The following PCOLCE variants were observed in gnomAD, a reference collection of about 807,000 sequenced individuals.
PCOLCE encodes the protein procollagen C-endopeptidase enhancer 1.
PCOLCE carries 33 observed loss-of-function variants against 47.2 expected under a neutral mutation model. The ratio of observed to expected loss-of-function variants is 0.70; its 90% CI spans 0.53 to 0.93. The LOEUF (loss-of-function observed/expected upper bound fraction) is 0.93. Ranked by LOEUF, PCOLCE falls within the 40% of genes least tolerant of loss-of-function variation. The pLI is 0.00. For missense variants in PCOLCE, 584 were observed against 585.3 expected (o/e 1.00, Z 0.02); for synonymous variants, 254 against 252.5 (o/e 1.01, Z -0.06).
Position 100,604,521 on chromosome 7 carries a change from C to G in PCOLCE, c.463+304C>G, listed in dbSNP as rs1187991075. 1 of 494,342 alleles carries G rather than the reference C, an allele frequency of 2.0e-6. No individual in the cohort carries two copies. The highest frequency in any genetic ancestry group is 3.7e-6 in the Non-Finnish European group (1 of 270,494). The allele number at this position is 494,342 out of a possible 1,614,324, so 30.6% of individuals were successfully genotyped here. A position where few individuals can be genotyped will look rare whatever the true frequency, so the allele number is the denominator to read the frequency against. On this transcript the variant is annotated intron_variant, in intron 3 of 8. Transcript: ENST00000223061. This position sits in a 1 kb window ranked among gnomAD's most constrained non-coding sequence, Gnocchi z 6.4. ...TGGGACGGTGAGTAACTGCCGGCCC[C>G]CGTCCGCAATCGGGCTCCCTCCGTC... is the stretch of plus-strand genomic sequence containing the variant.
At position 100,608,054 on chromosome 7, in the gene PCOLCE, A is replaced by C. The variant is rs774044086; in HGVS notation, c.1301A>C (p.Lys434Thr). 1 of 1,613,972 alleles carries C rather than the reference A, an allele frequency of 6.2e-7. No individual in the cohort carries two copies. The highest frequency in any genetic ancestry group is 8.5e-7 in the Non-Finnish European group (1 of 1,180,014). The change falls in exon 9 of 9, where the codon AAG becomes ACG. Residue 434 changes from lysine (K) to threonine (T), a missense_variant. Lys to Thr is a moderately conservative substitution (Grantham distance 78). Transcript: ENST00000223061. ...NQDQILTNLS[K>T]RKCPSQPVRA... ...GACCAGATCCTCACCAACCTAAGCA[A>C]GAGGAAGTGCCCCTCTCAACCTGTG... is the stretch of plus-strand genomic sequence containing the variant.
chr7:100,603,205 A>G (rs1345254296), intron 1 of PCOLCE: 4 of 435,474 alleles, frequency 9.2e-6, no homozygotes, highest in Non-Finnish European at 1.2e-5. Context: ...GGTTGGAGGG[A>G]TGGTCGAGTT....
In PCOLCE at chr7:100,607,796, C is replaced by G. The variant is rs1279530666; in HGVS notation, c.1172C>G (p.Pro391Arg). 5.0e-6 allele frequency: 8 copies of G among 1,613,990 alleles called. No homozygotes were observed. The African/African-American group carries it at 5.3e-5, about 11-fold the overall frequency. The change falls in exon 8 of 9, where the codon CCC (proline) becomes CGC (arginine). Residue 391 changes from proline (P) to arginine (R), a missense_variant. Physicochemically the swap from Pro to Arg is moderately radical, Grantham distance 103. Coordinates refer to ENST00000223061, the MANE Select transcript of PCOLCE (RefSeq NM_002593.4). Reference sequence around the variant, plus strand: ...TACGTGCCTTGCAAGCAGTGCCCCCCCATGAAGAAAGGTAACAGAGATGTG... The same window carrying G: ...TACGTGCCTTGCAAGCAGTGCCCCCGCATGAAGAAAGGTAACAGAGATGTG... ...KFYVPCKQCP[P>R]MKKGVSYLLM...
chr7:100,602,988 TC>T, intron 1 of PCOLCE: 1 of 241,380 alleles, frequency 4.1e-6, no homozygotes, highest in South Asian at 7.0e-5. Context: ...GAGCCTGGCC[TC>T]CAGGTTCAAT....
intron 2 of PCOLCE, 80 bp downstream of exon 2, chr7:100,603,618 GT>G: frequency 1.5e-5 from 4 of 259,878 alleles, no homozygotes; most frequent in South Asian, 1.5e-4. Context: ...CCCCCCCCCC[GT>G]CCCCCCCGCA....
rs1802668695 is a variant in PCOLCE at position 100,604,209 on chromosome 7, C to G, written c.455C>G (p.Ser152Trp). ...FLLWYSGRATSGTEHQFCGGR... is the reference protein window; with the variant it reads ...FLLWYSGRATWGTEHQFCGGR... ...CTCTGGTACAGCGGGCGGGCCACCT[C>G]GGGCACTGGTGAGAACTCCCTCACC... The change falls in exon 3 of 9, where the codon TCG (serine) becomes TGG (tryptophan). Residue 152 changes from serine to tryptophan, a missense_variant. Physicochemically the swap from Ser to Trp is radical, Grantham distance 177 (BLOSUM62 -3). Coordinates refer to ENST00000223061, the MANE Select transcript of PCOLCE (RefSeq NM_002593.4). The surrounding 1 kb of genome is among the most constrained non-coding windows in gnomAD (Gnocchi z 6.4). The G allele has an allele frequency of 6.2e-7, 1 of 1,610,984 alleles. No individual in the cohort carries two copies. The highest frequency in any genetic ancestry group is 1.3e-5 in the African/African-American group (1 of 74,856).
rs1336517260 is a variant in PCOLCE at position 100,605,782 on chromosome 7, TGGGGAAGTTCTGCGGCGACGCAGTCCC to T, written c.700_725+1del. 6.4e-7 allele frequency: 1 copy of T among 1,554,636 alleles called. No individual in the cohort carries two copies. The highest frequency in any genetic ancestry group is 8.7e-7 in the Non-Finnish European group (1 of 1,148,910). ...GCCGTGAGCGACGACTCCCGGAGGCTGGGGAAGTTCTGCGGCGACGCAGTCCCGGGGTGAGGGGCGGGACCTGGGCGA... is the reference window on the plus strand; with the variant it reads ...GCCGTGAGCGACGACTCCCGGAGGCTGGGGTGAGGGGCGGGACCTGGGCGA... On this transcript the variant is annotated inframe_deletion, in exon 5 of 9. Transcript: ENST00000223061. The surrounding 1 kb of genome is among the most constrained non-coding windows in gnomAD (Gnocchi z 6.1).
At chr7:100,603,938 C>T in intron 2 of PCOLCE, 21 bp from the exon 3 acceptor site, 4 of 1,596,954 alleles carry the variant, frequency 2.5e-6, no homozygotes, top group Non-Finnish European at 3.4e-6. Context: ...TGTGGGTCCC[C>T]GCCTCTGTCC....
chr7:100,604,230 T>C lies in PCOLCE; in HGVS notation c.463+13T>C, dbSNP rs777360676. ...ACCTCGGGCACTGGTGAGAACTCCCTCACCTCCGCCTTCCCCCCCTCCAGG... is the reference window on the plus strand; with the variant it reads ...ACCTCGGGCACTGGTGAGAACTCCCCCACCTCCGCCTTCCCCCCCTCCAGG... On this transcript the variant is annotated intron_variant, in intron 3 of 8. Coordinates refer to ENST00000223061, the MANE Select transcript of PCOLCE (RefSeq NM_002593.4). This position sits in a 1 kb window ranked among gnomAD's most constrained non-coding sequence, Gnocchi z 6.4. 9.4e-6 allele frequency: 15 copies of C among 1,603,542 alleles called. No individual in the cohort carries two copies. Among genetic ancestry groups the C allele is most frequent in the Middle Eastern group, 2.2e-4 (1 of 4,648 alleles).
At chr7:100,603,620 C>A (rs1210101895) in intron 2 of PCOLCE, 82 bp downstream of exon 2, 3 of 606,798 alleles carry the variant, frequency 4.9e-6, no homozygotes, top group South Asian at 2.1e-5. Flanking sequence ...CCCCCCCCGT[C>A]CCCCCCGCAC....
In PCOLCE at chr7:100,605,557, G is replaced by C; in HGVS notation, c.589-119G>C. ...TGCTGTGGTGTGAACGCCTTCAGGA[G>C]GGGGGCCCAGAGGACGCGGGAGGTG... is the stretch of plus-strand genomic sequence containing the variant. On this transcript the variant is annotated intron_variant, in intron 4 of 8. Transcript: ENST00000223061. This position sits in a 1 kb window ranked among gnomAD's most constrained non-coding sequence, Gnocchi z 6.1. 7.9e-7 allele frequency: 1 copy of C among 1,265,616 alleles called. No individual in the cohort carries two copies. Among genetic ancestry groups the C allele is most frequent in the South Asian group, 1.4e-5 (1 of 69,004 alleles). The allele number at this position is 1,265,616 out of a possible 1,614,324, so 78.4% of individuals were successfully genotyped here. A position where few individuals can be genotyped will look rare whatever the true frequency, so the allele number is the denominator to read the frequency against.
Position 100,608,125 on chromosome 7 carries a change from C to G in PCOLCE, c.*22C>G. On this transcript the variant is annotated 3_prime_UTR_variant, in exon 9 of 9. Transcript: ENST00000223061. The stretch of plus-strand genomic sequence containing the variant: ...CTGAGACGCAGGCCAGCCCCGGCCC[C>G]TAGCCCTCAGGCCTTCTTTCTTATC... The G allele has an allele frequency of 3.7e-6, 6 of 1,606,904 alleles. No individual in the cohort carries two copies. Among genetic ancestry groups the G allele is most frequent in the Non-Finnish European group, 5.1e-6 (6 of 1,176,058 alleles).
chr7:100,606,199 C>A, intron 5 of PCOLCE: 1 of 561,994 alleles, frequency 1.8e-6, no homozygotes, highest in Non-Finnish European at 3.2e-6. Flanking sequence ...GGCATGGTGG[C>A]GTGCCTGTAG....
chr7:100,606,792 T>C (rs1476007611), intron 6 of PCOLCE, among the ~76,000 whole-genome samples, 162 bp downstream of exon 6: 3 of 151,898 alleles, frequency 2.0e-5, no homozygotes, highest in African/African-American at 7.3e-5. Flanking sequence ...ACCCTGTCTT[T>C]TCAAAAATAA....
chr7:100,602,654 A>C, intron 1 of PCOLCE, 103 bp downstream of exon 1: 1 of 752,334 alleles, frequency 1.3e-6, no homozygotes, highest in South Asian at 1.5e-5. Context: ...CTGACACACC[A>C]CTCCCCAGAT....
chr7:100,603,398 T>G, intron 1 of PCOLCE, 32 bp from the exon 2 acceptor site: 2 of 734,228 alleles, frequency 2.7e-6, no homozygotes, highest in Non-Finnish European at 4.4e-6. Flanking sequence ...CACCCGTCCC[T>G]GCTCTTTCCT....
In PCOLCE at chr7:100,608,110, G is replaced by C; in HGVS notation, c.*7G>C. Reference sequence around the variant, plus strand: ...TGCTGCGTCCCAGGACTGAGACGCAGGCCAGCCCCGGCCCCTAGCCCTCAG... The same window carrying C: ...TGCTGCGTCCCAGGACTGAGACGCACGCCAGCCCCGGCCCCTAGCCCTCAG... On this transcript the variant is annotated 3_prime_UTR_variant, in exon 9 of 9. Transcript: ENST00000223061. The C allele has an allele frequency of 9.9e-6, 16 of 1,610,720 alleles. No homozygotes were observed. Among genetic ancestry groups the C allele is most frequent in the Non-Finnish European group, 1.3e-5 (15 of 1,178,602 alleles).
rs189934922 is a variant in PCOLCE at position 100,605,983 on chromosome 7, G to A, written c.725+171G>A. On this transcript the variant is annotated intron_variant, in intron 5 of 8. Coordinates refer to ENST00000223061, the MANE Select transcript of PCOLCE (RefSeq NM_002593.4). The surrounding 1 kb of genome is among the most constrained non-coding windows in gnomAD (Gnocchi z 6.1). Reference sequence around the variant, plus strand: ...AAAGAGGAGATTTGGCCCCGGGTCTGGGGTCCGCGGATAGAGAGGCGACTG... The same window carrying A: ...AAAGAGGAGATTTGGCCCCGGGTCTAGGGTCCGCGGATAGAGAGGCGACTG... Among the ~76,000 whole-genome samples, 40 of 152,300 alleles carry A rather than the reference G, an allele frequency of 2.6e-4. No individual in the cohort carries two copies. Among genetic ancestry groups the A allele is most frequent in the Middle Eastern group, 6.8e-3 (2 of 294 alleles).
Position 100,604,194 on chromosome 7 carries a change from G to C in PCOLCE, c.440G>C (p.Ser147Thr). Residue 147 changes from serine to threonine, a missense_variant, in exon 3 of 9, where the codon AGC (serine) becomes ACC (threonine). Transcript: ENST00000223061. The surrounding 1 kb of genome is among the most constrained non-coding windows in gnomAD (Gnocchi z 6.4). ...TGGRGFLLWY[S>T]GRATSGTEHQ... ...GGACGAGGCTTCCTGCTCTGGTACA[G>C]CGGGCGGGCCACCTCGGGCACTGGT... 1.9e-6 allele frequency: 3 copies of C among 1,612,468 alleles called. No homozygotes were observed. Among genetic ancestry groups the C allele is most frequent in the Non-Finnish European group, 2.5e-6 (3 of 1,179,910 alleles).
Sources: allele counts gnomAD v4.1 joint callset (sites outside exome capture counted in the v4.1 genomes callset), GRCh38; gene constraint gnomAD v4.1.1; non-coding constraint Gnocchi (gnomAD v3.1); transcripts MANE v1.5; gene names NCBI Gene and HGNC (gene_info 2026-07-23, HGNC 2026-07-21).